CTNNA2: variants seen among roughly 807,000 people sequenced by gnomAD.
The protein encoded by CTNNA2 is catenin alpha-2.
CTNNA2 carries 42 observed loss-of-function variants against 101.0 expected under a neutral mutation model. The ratio of observed to expected loss-of-function variants is 0.42; its 90% CI spans 0.32 to 0.54. CTNNA2 has a LOEUF of 0.54. CTNNA2 is among the 20% of genes least tolerant of loss of function. The pLI, the probability that CTNNA2 is intolerant of heterozygous loss-of-function variation, is 0.14. For missense variants in CTNNA2, 871 were observed against 1,223.1 expected (o/e 0.71, Z 4.29); for synonymous variants, 450 against 456.4 (o/e 0.99, Z 0.18).
intron 9 of CTNNA2, among the ~76,000 whole-genome samples, chr2:80,462,381 C>T (rs1371918253): frequency 6.6e-6 from 1 of 152,118 alleles, no homozygotes; most frequent in East Asian, 1.9e-4. Context: ...CAAATAGAGT[C>T]TCTATCTAGG....
chr2:80,479,690 C>T (rs72914989), intron 9 of CTNNA2, among the ~76,000 whole-genome samples: 3,913 of 152,004 alleles, frequency 0.026, 169 homozygotes, highest in African/African-American at 0.088. Flanking sequence ...ATGTACTGCC[C>T]TAAAAAAAGG....
chr2:79,435,646 TA>T (rs1403982807), intron 4 of CTNNA2, among the ~76,000 whole-genome samples: 1 of 152,068 alleles, frequency 6.6e-6, no homozygotes, highest in Admixed American at 6.6e-5. Flanking sequence ...CCACAAAATA[TA>T]AGAAAAATAA....
rs1469919057 is a variant in CTNNA2 at position 80,149,266 on chromosome 2, T to C, written c.1056+239469T>C. Among the ~76,000 whole-genome samples, 6 of 152,276 alleles carry C rather than the reference T, an allele frequency of 3.9e-5. 1 individual carries two copies. In the East Asian group the frequency reaches 9.7e-4, roughly 25 times the overall value. On this transcript the variant is annotated intron_variant, in intron 7 of 18. Transcript: ENST00000402739. ...GTTGCGCAGGCTGGTCTTGAACTCC[T>C]GGCCTCAAACAATCCTTTCCACTCA... is the stretch of plus-strand genomic sequence containing the variant.
At chr2:79,396,397 G>A (rs566351720) in intron 4 of CTNNA2, among the ~76,000 whole-genome samples, 17 of 152,176 alleles carry the variant, frequency 1.1e-4, no homozygotes, top group Non-Finnish European at 2.2e-4. Flanking sequence ...GACCTCAGGC[G>A]ATCTGCCCGC....
At chr2:79,817,181 T>C (rs536861564) in intron 3 of CTNNA2, among the ~76,000 whole-genome samples, 2 of 152,050 alleles carry the variant, frequency 1.3e-5, no homozygotes, top group Admixed American at 1.3e-4. Flanking sequence ...TTCTATCCCT[T>C]CCCCCTACCA....
intron 7 of CTNNA2, among the ~76,000 whole-genome samples, chr2:80,207,116 G>T (rs994967978): frequency 6.6e-6 from 1 of 152,128 alleles, no homozygotes; most frequent in Admixed American, 6.6e-5. Flanking sequence ...TTTTGCACAG[G>T]ACTATTCCTG....
chr2:80,245,918 C>A (rs1219665212), intron 7 of CTNNA2, among the ~76,000 whole-genome samples: 1 of 149,388 alleles, frequency 6.7e-6, no homozygotes, highest in Non-Finnish European at 1.5e-5. Context: ...CCTCAGCCTT[C>A]CGAGTAGCTG....
intron 17 of CTNNA2, among the ~76,000 whole-genome samples, chr2:80,609,183 C>T (rs760189563): frequency 3.3e-5 from 5 of 151,702 alleles, no homozygotes; most frequent in East Asian, 3.9e-4. Flanking sequence ...TTACCAGGCA[C>T]GTAATATTAT....
chr2:80,293,052 A>G (rs948410570), intron 7 of CTNNA2, among the ~76,000 whole-genome samples: 3 of 152,236 alleles, frequency 2.0e-5, no homozygotes, highest in African/African-American at 7.2e-5. Context: ...TTAATAAAAT[A>G]AAAGAAACAC....
At chr2:80,375,626 G>A (rs968742993) in intron 7 of CTNNA2, among the ~76,000 whole-genome samples, 17 of 142,520 alleles carry the variant, frequency 1.2e-4, no homozygotes, top group African/African-American at 3.8e-4. Context: ...GTGCAGTGGC[G>A]TGATCTCAGC....
At position 80,457,218 on chromosome 2, in the gene CTNNA2, C is replaced by T. The variant is rs148151239; in HGVS notation, c.1290+37617C>T. Among the ~76,000 whole-genome samples, 1,272 of 152,046 alleles carry T rather than the reference C, an allele frequency of 8.4e-3. 18 individuals are homozygous for T. Among genetic ancestry groups the T allele is most frequent in the African/African-American group, 0.029 (1,187 of 41,454 alleles). ...AGCTGGGATTACAGGTGCCCACCAC[C>T]GCACCCAGTTAATTTTTGTATCTTT... On this transcript the variant is annotated intron_variant, in intron 9 of 18. Coordinates refer to ENST00000402739, the MANE Select transcript of CTNNA2 (RefSeq NM_001282597.3).
intron 1 of CTNNA2, among the ~76,000 whole-genome samples, chr2:79,572,690 T>C (rs908214858): frequency 6.6e-6 from 1 of 152,198 alleles, no homozygotes; most frequent in African/African-American, 2.4e-5. Flanking sequence ...AGGTGGAGGT[T>C]GCAGTGAACC....
At chr2:79,221,642 T>C (rs576761754) in intron 2 of CTNNA2, among the ~76,000 whole-genome samples, 2 of 152,132 alleles carry the variant, frequency 1.3e-5, no homozygotes, top group African/African-American at 4.8e-5. Flanking sequence ...CTGTATTGTC[T>C]CCAGTAGCAA....
At chr2:79,475,215 C>A (rs1199831407) in intron 4 of CTNNA2, among the ~76,000 whole-genome samples, 1 of 149,678 alleles carries the variant, frequency 6.7e-6, no homozygotes, top group African/African-American at 2.5e-5. Context: ...CTGTGGCATA[C>A]AGTATGGAAA....
chr2:80,451,717 T>G (rs1192841189), intron 9 of CTNNA2, among the ~76,000 whole-genome samples: 1 of 152,092 alleles, frequency 6.6e-6, no homozygotes, highest in African/African-American at 2.4e-5. Context: ...TAAAATATTT[T>G]ATTTAATTTT....
At chr2:80,273,274 T>C (rs936247239) in intron 7 of CTNNA2, among the ~76,000 whole-genome samples, 5 of 152,314 alleles carry the variant, frequency 3.3e-5, no homozygotes, top group East Asian at 1.9e-4. Context: ...CGATTTTTCT[T>C]ACATTCCAAA....
chr2:79,492,329 A>T (rs1174690552), intron 4 of CTNNA2, among the ~76,000 whole-genome samples: 1 of 151,862 alleles, frequency 6.6e-6, no homozygotes, highest in Admixed American at 6.6e-5. Context: ...AGAATTTTGC[A>T]TTCACTGTAT....
At position 79,759,266 on chromosome 2, in the gene CTNNA2, G is replaced by A. The variant is rs1044229784; in HGVS notation, c.298+14684G>A. Among the ~76,000 whole-genome samples the A allele has an allele frequency of 4.6e-5, 7 of 152,060 alleles. No individual in the cohort carries two copies. The South Asian group carries it at 1.0e-3, about 23-fold the overall frequency. On this transcript the variant is annotated intron_variant, in intron 3 of 18. Coordinates refer to ENST00000402739, the MANE Select transcript of CTNNA2 (RefSeq NM_001282597.3). ...AAATTAGCCAGGCACGATGATGCGC[G>A]TCTGTAATCCCAGCTACTAGAGAGG...
chr2:79,363,280 T>C (rs1203627653), intron 3 of CTNNA2, among the ~76,000 whole-genome samples: 3 of 152,174 alleles, frequency 2.0e-5, no homozygotes, highest in Non-Finnish European at 2.9e-5. Flanking sequence ...CTCTCTACTG[T>C]CTATTTTTTG....
Sources: allele counts gnomAD v4.1 joint callset (sites outside exome capture counted in the v4.1 genomes callset), GRCh38; gene constraint gnomAD v4.1.1; transcripts MANE v1.5; gene names NCBI Gene and HGNC (gene_info 2026-07-23, HGNC 2026-07-21).